NUP58: variants seen among roughly 807,000 people sequenced by gnomAD.
The protein encoded by NUP58 is nucleoporin p58/p45.
Under a neutral mutation model 70.1 loss-of-function variants are expected in NUP58, and 17 were observed. The ratio of observed to expected loss-of-function variants is 0.24; its 90% CI spans 0.17 to 0.36. The LOEUF (loss-of-function observed/expected upper bound fraction) is 0.36. Ranked by LOEUF, NUP58 falls within the 10% of genes least tolerant of loss-of-function variation. The pLI is 1.00. For synonymous variants in NUP58, 275 were observed against 257.6 expected (o/e 1.07, Z -0.65); for missense variants, 644 against 701.5 (o/e 0.92, Z 0.93).
intron 9 of NUP58, among the ~76,000 whole-genome samples, chr13:25,324,217 A>C (rs1275910361): frequency 6.6e-6 from 1 of 152,218 alleles, no homozygotes; most frequent in Non-Finnish European, 1.5e-5. Flanking sequence ...TCATCAGCTT[A>C]GCAGCTTGGC....
At chr13:25,305,130 GTTTTTTTTTTTTTTTT>G (rs562132125) in intron 1 of NUP58, among the ~76,000 whole-genome samples, 1 of 58,564 alleles carries the variant, frequency 1.7e-5, no homozygotes, top group African/African-American at 5.1e-5. Flanking sequence ...GATCTGTGGG[GTTTTTTTTTTTTTTTT>G]TTTTTTTTTT....
chr13:25,315,901 A>G (rs978109337), intron 6 of NUP58, among the ~76,000 whole-genome samples: 1 of 152,190 alleles, frequency 6.6e-6, no homozygotes, highest in East Asian at 1.9e-4. Context: ...ATCCTGGCTC[A>G]ACTGCTTATA....
chr13:25,306,506 TGGG>T (rs1246458740), intron 1 of NUP58, among the ~76,000 whole-genome samples: 2 of 150,792 alleles, frequency 1.3e-5, no homozygotes, highest in Non-Finnish European at 2.9e-5. Flanking sequence ...TACCAGAACA[TGGG>T]GGGATTGGTA....
At chr13:25,319,470 T>C (rs909680215) in intron 7 of NUP58, 120 bp downstream of exon 7, 43 of 806,206 alleles carry the variant, frequency 5.3e-5, no homozygotes, top group Non-Finnish European at 6.6e-5. Context: ...AACTTTTTTG[T>C]AATGGTATTC....
intron 7 of NUP58, among the ~76,000 whole-genome samples, chr13:25,319,765 T>C (rs978559017): frequency 2.0e-5 from 3 of 152,144 alleles, no homozygotes; most frequent in Non-Finnish European, 2.9e-5. Context: ...ATACATCATA[T>C]ATATGTTTGA....
At chr13:25,334,707 A>C in intron 13 of NUP58, 1 of 979,364 alleles carries the variant, frequency 1.0e-6, no homozygotes, top group Non-Finnish European at 1.2e-6. Flanking sequence ...AAATATTTTT[A>C]GCACTTTAGT....
At chr13:25,314,341 A>G (rs553969165) in intron 5 of NUP58, among the ~76,000 whole-genome samples, 2 of 152,322 alleles carry the variant, frequency 1.3e-5, no homozygotes, top group Admixed American at 6.5e-5. Flanking sequence ...TCTAGAGATA[A>G]CATCTCTTCT....
At chr13:25,302,873 A>G (rs1282690854) in intron 1 of NUP58, 5 of 441,180 alleles carry the variant, frequency 1.1e-5, no homozygotes, top group African/African-American at 6.1e-5. Context: ...TACTCGCTCA[A>G]CAACAGGTTC....
At chr13:25,326,022 T>G (rs2031381289) in intron 10 of NUP58, among the ~76,000 whole-genome samples, 1 of 152,178 alleles carries the variant, frequency 6.6e-6, no homozygotes, top group Admixed American at 6.5e-5. Context: ...TATATACATT[T>G]CTCCCCCAAA....
At chr13:25,303,140 C>T (rs1194005901) in intron 1 of NUP58, 2 of 454,696 alleles carry the variant, frequency 4.4e-6, no homozygotes. Flanking sequence ...ATCTGTTCTG[C>T]CACATTTTAG....
rs1353632663 is a variant in NUP58 at position 25,341,061 on chromosome 13, A to C, written c.*927A>C. ...CTTGTAGAATGATGAGCTTAGAGGT[A>C]CCAGGTCATTGCAGTTGTTTGCTTA... On this transcript the variant is annotated 3_prime_UTR_variant, in exon 16 of 16. Coordinates refer to ENST00000381736, the MANE Select transcript of NUP58 (RefSeq NM_014089.4). 1 of 152,202 alleles carries C rather than the reference A, an allele frequency of 6.6e-6. No homozygotes were observed. The highest frequency in any genetic ancestry group is 6.5e-5 in the Admixed American group (1 of 15,276). The allele number at this position is 152,202 out of a possible 1,614,324, so 9.4% of individuals were successfully genotyped here. A position where few individuals can be genotyped will look rare whatever the true frequency, so the allele number is the denominator to read the frequency against.
At chr13:25,328,866 C>T (rs1166063292) in intron 12 of NUP58, among the ~76,000 whole-genome samples, 1 of 152,122 alleles carries the variant, frequency 6.6e-6, no homozygotes, top group Non-Finnish European at 1.5e-5. Flanking sequence ...AAACCTGAGT[C>T]TAGATAAATT....
At chr13:25,336,905 C>A (rs770734538) in intron 13 of NUP58, 31 bp from the exon 14 acceptor site, 6 of 1,275,880 alleles carry the variant, frequency 4.7e-6, no homozygotes, top group African/African-American at 3.1e-5. Flanking sequence ...TGTTTTTTTT[C>A]CCCCCCATTT....
At chr13:25,319,290 C>G in intron 6 of NUP58, 36 bp from the exon 7 acceptor site, 2 of 1,593,050 alleles carry the variant, frequency 1.3e-6, no homozygotes, top group Non-Finnish European at 1.7e-6. Context: ...GTTCAATTAC[C>G]AATTTTTTTT....
At chr13:25,306,330 G>A (rs1007075872) in intron 1 of NUP58, among the ~76,000 whole-genome samples, 2 of 151,310 alleles carry the variant, frequency 1.3e-5, no homozygotes, top group African/African-American at 2.4e-5. Flanking sequence ...GGGTGAACCC[G>A]GGAGCCGGAG....
chr13:25,340,192 T>C lies in NUP58; in HGVS notation c.*58T>C. 7.3e-7 allele frequency: 1 copy of C among 1,376,712 alleles called. No homozygotes were observed. The highest frequency in any genetic ancestry group is 9.6e-7 in the Non-Finnish European group (1 of 1,044,822). 85.3% of individuals were successfully genotyped at this position (1,376,712 alleles called of 1,614,324 possible). The stretch of plus-strand genomic sequence containing the variant: ...AGCACCGTTCATTCTATGAGTCTAT[T>C]TTTCTAATGATGCAGTAATTAAATT... On this transcript the variant is annotated 3_prime_UTR_variant, in exon 16 of 16. Coordinates refer to ENST00000381736, the MANE Select transcript of NUP58 (RefSeq NM_014089.4).
At chr13:25,319,266 A>G (rs891735060) in intron 6 of NUP58, 60 bp from the exon 7 acceptor site, 2 of 1,352,028 alleles carry the variant, frequency 1.5e-6, no homozygotes, top group Non-Finnish European at 2.1e-6. Flanking sequence ...TAAAGCTTGT[A>G]TTTGGAGTAT....
intron 15 of NUP58, among the ~76,000 whole-genome samples, chr13:25,339,322 G>A (rs1458829028): frequency 6.6e-6 from 1 of 152,116 alleles, no homozygotes; most frequent in Non-Finnish European, 1.5e-5. Context: ...ACATAATACT[G>A]TGAAAGATGT....
At chr13:25,314,120 G>A (rs780727136) in intron 5 of NUP58, among the ~76,000 whole-genome samples, 47 of 152,104 alleles carry the variant, frequency 3.1e-4, no homozygotes, top group Non-Finnish European at 4.1e-4. Flanking sequence ...TAGTAGAGAT[G>A]AGGGGGTTCA....
Sources: allele counts gnomAD v4.1 joint callset (sites outside exome capture counted in the v4.1 genomes callset), GRCh38; gene constraint gnomAD v4.1.1; transcripts MANE v1.5; gene names NCBI Gene and HGNC (gene_info 2026-07-23, HGNC 2026-07-21).